FAM13A: variants seen among roughly 807,000 people sequenced by gnomAD.
FAM13A encodes family with sequence similarity 13 member A.
A neutral mutation model predicts 129.6 loss-of-function variants in FAM13A; 76 were observed. The observed-to-expected ratio is 0.59, with a 90% CI of 0.49 to 0.71. The LOEUF is 0.71. Ranked by LOEUF, FAM13A falls within the 30% of genes least tolerant of loss-of-function variation. The pLI is 0.00. For missense variants in FAM13A, 1,108 were observed against 1,249.3 expected (o/e 0.89, Z 1.70); for synonymous variants, 443 against 449.9 (o/e 0.98, Z 0.20).
At chr4:88,750,835 G>A (rs894347362) in intron 14 of FAM13A, among the ~76,000 whole-genome samples, 198 bp from the exon 15 acceptor site, 1 of 152,198 alleles carries the variant, frequency 6.6e-6, no homozygotes, top group Admixed American at 6.5e-5. Flanking sequence ...GCCATCATCT[G>A]TCTACCTCTC....
chr4:89,000,292 T>C (rs1579703962), intron 3 of FAM13A, among the ~76,000 whole-genome samples: 2 of 152,150 alleles, frequency 1.3e-5, no homozygotes, highest in Admixed American at 6.5e-5. Flanking sequence ...TCCATCAACA[T>C]GAATGGATAA....
chr4:88,876,705 C>T (rs575500598), intron 6 of FAM13A, among the ~76,000 whole-genome samples: 73 of 152,208 alleles, frequency 4.8e-4, no homozygotes, highest in Admixed American at 3.3e-3. Flanking sequence ...CATTCTCCTG[C>T]CTCGGCCTCC....
At chr4:88,761,778 C>T (rs1744859605) in intron 13 of FAM13A, among the ~76,000 whole-genome samples, 1 of 151,916 alleles carries the variant, frequency 6.6e-6, no homozygotes, top group Admixed American at 6.6e-5. Context: ...AATAGGGCTG[C>T]CTATTATGTC....
intron 4 of FAM13A, among the ~76,000 whole-genome samples, chr4:88,939,082 G>A (rs1277682528): frequency 2.6e-5 from 4 of 152,168 alleles, no homozygotes; most frequent in African/African-American, 4.8e-5. Flanking sequence ...ATTTTCTGAG[G>A]CTGTTGTAAC....
At chr4:88,923,558 T>C (rs1751516895) in intron 5 of FAM13A, among the ~76,000 whole-genome samples, 2 of 152,136 alleles carry the variant, frequency 1.3e-5, no homozygotes, top group African/African-American at 4.8e-5. Flanking sequence ...TATCTCAAAA[T>C]AATAAGAGCT....
At chr4:88,745,488 A>G (rs1195490055) in intron 19 of FAM13A, among the ~76,000 whole-genome samples, 1 of 152,196 alleles carries the variant, frequency 6.6e-6, no homozygotes, top group Non-Finnish European at 1.5e-5. Context: ...GAAGTCCTTA[A>G]AGGTGTCTAT....
At chr4:88,745,790 C>G (rs1578460729) in intron 19 of FAM13A, among the ~76,000 whole-genome samples, 1 of 151,946 alleles carries the variant, frequency 6.6e-6, no homozygotes, top group African/African-American at 2.4e-5. Context: ...GAACATTATC[C>G]CAGAGTGTCA....
chr4:88,800,051 A>G (rs1727101748), intron 8 of FAM13A, among the ~76,000 whole-genome samples: 1 of 152,224 alleles, frequency 6.6e-6, no homozygotes, highest in South Asian at 2.1e-4. Context: ...GCCAGTCACA[A>G]AAGGACAAAG....
intron 7 of FAM13A, among the ~76,000 whole-genome samples, chr4:88,845,824 T>A (rs764643840): frequency 6.6e-6 from 1 of 152,170 alleles, no homozygotes; most frequent in South Asian, 2.1e-4. Context: ...GGAAAAGGAA[T>A]AAATAGATAA....
intron 1 of FAM13A, among the ~76,000 whole-genome samples, chr4:89,035,774 C>G (rs1769306445): frequency 6.6e-6 from 1 of 152,110 alleles, no homozygotes; most frequent in Non-Finnish European, 1.5e-5. Context: ...TTTCTCTGGC[C>G]ATGTAAAACA....
chr4:88,899,967 T>C (rs1351839168), intron 6 of FAM13A, among the ~76,000 whole-genome samples: 1 of 151,916 alleles, frequency 6.6e-6, no homozygotes, highest in African/African-American at 2.4e-5. Flanking sequence ...AATAACACAA[T>C]ATAAGAAATT....
intron 1 of FAM13A, among the ~76,000 whole-genome samples, chr4:89,050,556 C>T (rs1419140055): frequency 6.6e-6 from 1 of 151,544 alleles, no homozygotes. Context: ...TTTTTTTTTA[C>T]AAAAATCAAG....
At chr4:89,034,519 T>A (rs2149140163) in intron 1 of FAM13A, among the ~76,000 whole-genome samples, 1 of 152,312 alleles carries the variant, frequency 6.6e-6, no homozygotes, top group South Asian at 2.1e-4. Context: ...GTTTAGAGAT[T>A]TCTCAAAGAA....
chr4:89,044,755 C>A (rs1425928687), intron 1 of FAM13A, among the ~76,000 whole-genome samples: 1 of 151,964 alleles, frequency 6.6e-6, no homozygotes, highest in Admixed American at 6.6e-5. Context: ...AAGGAATGAA[C>A]TTCTGACACA....
At chr4:88,968,057 G>T (rs1408907464) in intron 4 of FAM13A, among the ~76,000 whole-genome samples, 2 of 152,166 alleles carry the variant, frequency 1.3e-5, no homozygotes, top group African/African-American at 2.4e-5. Flanking sequence ...GCAGAGTCTA[G>T]CAAGTAGTTA....
At chr4:88,865,813 G>A (rs1266043804) in intron 6 of FAM13A, among the ~76,000 whole-genome samples, 1 of 151,592 alleles carries the variant, frequency 6.6e-6, no homozygotes, top group Non-Finnish European at 1.5e-5. Context: ...TGGCCTGTGG[G>A]CCACTTTGTG....
chr4:88,974,122 A>G (rs2148960909), intron 4 of FAM13A, among the ~76,000 whole-genome samples: 1 of 152,292 alleles, frequency 6.6e-6, no homozygotes, highest in Non-Finnish European at 1.5e-5. Context: ...AATCGGGTAG[A>G]GTTTCAGGAG....
intron 4 of FAM13A, among the ~76,000 whole-genome samples, chr4:88,938,781 TA>T (rs780264178): frequency 1.3e-5 from 2 of 152,180 alleles, no homozygotes; most frequent in Non-Finnish European, 2.9e-5. Flanking sequence ...ACAATAAAAA[TA>T]GTTGAAAATA....
At chr4:88,904,277 A>C (rs1747784410) in intron 6 of FAM13A, among the ~76,000 whole-genome samples, 1 of 152,234 alleles carries the variant, frequency 6.6e-6, no homozygotes, top group Non-Finnish European at 1.5e-5. Context: ...GTATATGTCC[A>C]AAAGAATATA....
Sources: gnomAD v4.1 joint callset for allele counts (sites outside exome capture counted in the v4.1 genomes callset) on GRCh38, gnomAD v4.1.1 for gene constraint, MANE v1.5 for transcripts, NCBI Gene and HGNC (gene_info 2026-07-23, HGNC 2026-07-21) for gene names.